TMEM255B: variants seen among roughly 807,000 people sequenced by gnomAD.
The protein encoded by TMEM255B is family with sequence similarity 70, member B.
In TMEM255B, 35 loss-of-function variants were observed where a neutral mutation model predicts 34.5. That is an observed-to-expected ratio of 1.01 (90% CI 0.77 to 1.34). The LOEUF is 1.34. Among genes scored for constraint, TMEM255B ranks in the 40% most tolerant of loss-of-function variants. TMEM255B has a pLI of 0.00. For missense variants in TMEM255B, 432 were observed against 433.2 expected (o/e 1.00, Z 0.02); for synonymous variants, 206 against 201.2 (o/e 1.02, Z -0.20).
At chr13:113,804,746 G>C (rs1195274737) in intron 7 of TMEM255B, 139 bp from the exon 8 acceptor site, 1 of 557,674 alleles carries the variant, frequency 1.8e-6, no homozygotes, top group African/African-American at 2.2e-5. Context: ...CTCCAGCCTG[G>C]GTATAAACGC....
chr13:113,765,914 C>T lies in TMEM255B; in HGVS notation c.47-201C>T, dbSNP rs548486740. Among the ~76,000 whole-genome samples, 5 of 152,322 alleles carry T rather than the reference C, an allele frequency of 3.3e-5. No homozygotes were observed. In the South Asian group the frequency reaches 1.0e-3, roughly 32 times the overall value. ...GTTTGGCCGCAAATACCAGGCTATC[C>T]AGTATAGTGGCTTATGGTCCAGAGA... is the stretch of plus-strand genomic sequence containing the variant. On this transcript the variant is annotated intron_variant, in intron 1 of 8. Coordinates refer to ENST00000375353, the MANE Select transcript of TMEM255B (RefSeq NM_182614.4).
At chr13:113,762,843 G>T (rs977501059) in intron 1 of TMEM255B, among the ~76,000 whole-genome samples, 13 of 152,180 alleles carry the variant, frequency 8.5e-5, no homozygotes, top group Admixed American at 8.5e-4. Flanking sequence ...GAGTCATCTG[G>T]TTAACTATTT....
At position 113,801,591 on chromosome 13, in the gene TMEM255B, A is replaced by G. The variant is rs146683050; in HGVS notation, c.510-62A>G. Reference sequence around the variant, plus strand: ...GCAGGGCTCAGGTCCAGAGGACACAAGTTTAACTTGCGGGTGGTCACTTGC... The same window carrying G: ...GCAGGGCTCAGGTCCAGAGGACACAGGTTTAACTTGCGGGTGGTCACTTGC... On this transcript the variant is annotated intron_variant, in intron 6 of 8. Coordinates refer to ENST00000375353, the MANE Select transcript of TMEM255B (RefSeq NM_182614.4). The G allele has an allele frequency of 2.1e-5, 32 of 1,521,272 alleles. No individual in the cohort carries two copies. The African/African-American group carries it at 3.2e-4, about 15-fold the overall frequency. 94.2% of individuals were successfully genotyped at this position (1,521,272 alleles called of 1,614,324 possible).
At chr13:113,804,498 C>T (rs183968294) in intron 7 of TMEM255B, among the ~76,000 whole-genome samples, 188 of 152,236 alleles carry the variant, frequency 1.2e-3, no homozygotes, top group Middle Eastern at 3.4e-3. Context: ...CGAGCGGTCA[C>T]CCAGTGTGAC....
At chr13:113,805,311 C>T (rs572755409) in intron 8 of TMEM255B, among the ~76,000 whole-genome samples, 10 of 152,330 alleles carry the variant, frequency 6.6e-5, no homozygotes, top group Non-Finnish European at 1.0e-4. Context: ...GGCAGCTCCC[C>T]GCTGCAGTGG....
chr13:113,775,400 G>A (rs1029310507), intron 3 of TMEM255B, among the ~76,000 whole-genome samples: 10 of 152,242 alleles, frequency 6.6e-5, no homozygotes, highest in African/African-American at 9.6e-5. Context: ...GTCGGGCCCC[G>A]CACCTTCTCC....
Position 113,771,507 on chromosome 13 carries a change from C to T in TMEM255B, c.252+2347C>T, listed in dbSNP as rs1249449937. Among the ~76,000 whole-genome samples, 6 of 152,294 alleles carry T rather than the reference C, an allele frequency of 3.9e-5. No individual in the cohort carries two copies. In the East Asian group the frequency reaches 1.2e-3, roughly 29 times the overall value. On this transcript the variant is annotated intron_variant, in intron 3 of 8. Transcript: ENST00000375353. ...CCAGCCTGACCAACATGGTGAAATCCTGTCTGTACTAAAAATACAAAATTA... is the reference window on the plus strand; with the variant it reads ...CCAGCCTGACCAACATGGTGAAATCTTGTCTGTACTAAAAATACAAAATTA...
At chr13:113,760,029 G>T (rs933636886) in intron 1 of TMEM255B, among the ~76,000 whole-genome samples, 1 of 152,140 alleles carries the variant, frequency 6.6e-6, no homozygotes, top group East Asian at 1.9e-4. Flanking sequence ...TTCCTGAGGG[G>T]GAGAGGGCTG....
intron 8 of TMEM255B, among the ~76,000 whole-genome samples, chr13:113,805,540 G>A (rs569362139): frequency 3.3e-5 from 5 of 152,326 alleles, no homozygotes; most frequent in South Asian, 2.1e-4. Context: ...CTGCCTGTCC[G>A]ATTTCCACTC....
rs894721934 is a variant in TMEM255B, at chr13:113,780,466, T to C, written c.252+11306T>C. Among the ~76,000 whole-genome samples, 9 of 152,118 alleles carry C rather than the reference T, an allele frequency of 5.9e-5. No homozygotes were observed. In the South Asian group the frequency reaches 1.9e-3, roughly 32 times the overall value. ...AAGCTCCAAATTTTGCTCATGGGAG[T>C]ATACTAAATTGTTAAAAGCTGTCAA... On this transcript the variant is annotated intron_variant, in intron 3 of 8. Transcript: ENST00000375353.
In TMEM255B at chr13:113,786,585, CCAT is replaced by C. The variant is rs1295716637; in HGVS notation, c.253-8557_253-8555del. On this transcript the variant is annotated intron_variant, in intron 3 of 8. Transcript: ENST00000375353. ...ATCACCGTCATCACCATCATCATCACCATCATCACTGTTGTCACCATCACCGTC... is the reference window on the plus strand; with the variant it reads ...ATCACCGTCATCACCATCATCATCACCATCACTGTTGTCACCATCACCGTC... Among the ~76,000 whole-genome samples the C allele has an allele frequency of 4.6e-5, 7 of 151,980 alleles. No homozygotes were observed. The East Asian group carries it at 9.7e-4, about 21-fold the overall frequency.
rs754658580 is a variant in TMEM255B at position 113,769,005 on chromosome 13, C to G, written c.190-93C>G. On this transcript the variant is annotated intron_variant, in intron 2 of 8. Transcript: ENST00000375353. This position sits in a 1 kb window ranked among gnomAD's most constrained non-coding sequence, Gnocchi z 4.2. The stretch of plus-strand genomic sequence containing the variant: ...CTGGCCTTCGTCCCTGGATAAAATG[C>G]CTTTGAGGGCGGGATTATTTGCTTT... 9.9e-6 allele frequency: 14 copies of G among 1,417,912 alleles called. No individual in the cohort carries two copies. The African/African-American group carries it at 2.0e-4, about 20-fold the overall frequency. The allele number at this position is 1,417,912 out of a possible 1,614,324, so 87.8% of individuals were successfully genotyped here. A position where few individuals can be genotyped will look rare whatever the true frequency, so the allele number is the denominator to read the frequency against.
In TMEM255B at chr13:113,801,630, G is replaced by A. The variant is rs376530856; in HGVS notation, c.510-23G>A. 2.9e-5 allele frequency: 45 copies of A among 1,569,678 alleles called. No homozygotes were observed. The African/African-American group carries it at 5.4e-4, about 19-fold the overall frequency. On this transcript the variant is annotated intron_variant, in intron 6 of 8. Transcript: ENST00000375353. ...GTGGTCACTTGCCTCGTGCGGTGAC[G>A]CCATGGTGCCCTCTCTGTGCAGCGC... is the stretch of plus-strand genomic sequence containing the variant.
chr13:113,772,242 G>A (rs9604525), intron 3 of TMEM255B, among the ~76,000 whole-genome samples: 29,397 of 152,036 alleles, frequency 0.19, 3,397 homozygotes, highest in African/African-American at 0.31. Context: ...GATACAAATC[G>A]CTTCTCAGAT....
intron 3 of TMEM255B, among the ~76,000 whole-genome samples, chr13:113,772,324 A>G (rs1809736423): frequency 1.3e-5 from 2 of 152,204 alleles, no homozygotes; most frequent in Non-Finnish European, 2.9e-5. Context: ...CCTTTGAGGC[A>G]CAAAAGTTTT....
chr13:113,775,898 C>T (rs763337072), intron 3 of TMEM255B, among the ~76,000 whole-genome samples: 18 of 152,234 alleles, frequency 1.2e-4, no homozygotes, highest in Non-Finnish European at 2.5e-4. Flanking sequence ...CATGGGACCC[C>T]TGCGGCCCCA....
At chr13:113,794,951 G>A (rs1357469016) in intron 3 of TMEM255B, among the ~76,000 whole-genome samples, 197 bp from the exon 4 acceptor site, 2 of 152,268 alleles carry the variant, frequency 1.3e-5, no homozygotes, top group East Asian at 1.9e-4. Flanking sequence ...TGGGTCTTGC[G>A]GAATAGACGC....
intron 2 of TMEM255B, among the ~76,000 whole-genome samples, chr13:113,767,552 C>T (rs1040641713): frequency 2.0e-5 from 3 of 152,178 alleles, no homozygotes; most frequent in African/African-American, 7.2e-5. Context: ...TAATGAAAAA[C>T]ATCAATGGCT....
At position 113,814,711 on chromosome 13, in the gene TMEM255B, C is replaced by G. The variant is rs946508070; in HGVS notation, c.*2808C>G. ...AGCCTGAGTCACGGTCTGATGAACC[C>G]CCTCTCTGGGCTCCGCTGGGGCCTT... On this transcript the variant is annotated 3_prime_UTR_variant, in exon 9 of 9. Transcript: ENST00000375353. The G allele has an allele frequency of 1.3e-5, 2 of 152,248 alleles. No individual in the cohort carries two copies. The highest frequency in any genetic ancestry group is 4.8e-5 in the African/African-American group (2 of 41,442). The allele number at this position is 152,248 out of a possible 1,614,324, so 9.4% of individuals were successfully genotyped here.
Sources: allele counts gnomAD v4.1 joint callset (sites outside exome capture counted in the v4.1 genomes callset), GRCh38; gene constraint gnomAD v4.1.1; non-coding constraint Gnocchi (gnomAD v3.1); transcripts MANE v1.5; gene names NCBI Gene and HGNC (gene_info 2026-07-23, HGNC 2026-07-21).